Variants in UBR1 observed in about 807,000 individuals in gnomAD.
UBR1 encodes the protein E3 ubiquitin-protein ligase UBR1.
A neutral mutation model predicts 242.1 loss-of-function variants in UBR1; 102 were observed. The ratio of observed to expected loss-of-function variants is 0.42; its 90% CI spans 0.36 to 0.50. The LOEUF (loss-of-function observed/expected upper bound fraction) is 0.50. UBR1 is among the 20% of genes least tolerant of loss of function. The pLI is 0.01. For missense variants in UBR1, 1,772 were observed against 2,101.8 expected, an observed-to-expected ratio of 0.84 and a Z score of 3.07; for synonymous variants, 675 against 684.8, an observed-to-expected ratio of 0.99 and a Z score of 0.22.
Position 42,970,556 on chromosome 15 carries a change from G to C in UBR1, c.4421C>G (p.Ser1474Cys). ...QEDSEEAHSA[S>C]SFFAEISQYT... ...TTGAGAAATTTCTGCAAAGAAAGAA[G>C]ATGCGGAATGAGCCTCTTCACTGTC... The change falls in exon 40 of 47, where the codon TCT becomes TGT. Residue 1474 changes from serine (S) to cysteine (C), a missense_variant. By Grantham distance (112) the Ser-to-Cys change is moderately radical. Coordinates refer to ENST00000290650, the MANE Select transcript of UBR1 (RefSeq NM_174916.3). 2 of 1,613,810 alleles carry C rather than the reference G, an allele frequency of 1.2e-6. No homozygotes were observed. The highest frequency in any genetic ancestry group is 4.5e-5 in the East Asian group (2 of 44,878).
rs779087715 is a variant in UBR1, at chr15:43,068,050, A to G, written c.660-14T>C. 15 of 1,592,262 alleles carry G rather than the reference A, an allele frequency of 9.4e-6. No individual in the cohort carries two copies. The African/African-American group carries it at 1.3e-4, about 14-fold the overall frequency. On this transcript the variant is annotated splice_polypyrimidine_tract_variant and intron_variant, in intron 5 of 46. Transcript: ENST00000290650. The stretch of plus-strand genomic sequence containing the variant: ...TCATTTTTCTCCCTGTTAGAAAAAA[A>G]ACATATATATTTGGATACTACAACA...
At chr15:43,014,073 A>G (rs997694745) in intron 29 of UBR1, among the ~76,000 whole-genome samples, 21 of 152,332 alleles carry the variant, frequency 1.4e-4, no homozygotes, top group South Asian at 1.2e-3. Context: ...TGGTGGAGAC[A>G]GGGTTTCGCT....
At chr15:43,060,184 A>G in intron 6 of UBR1, 70 bp from the exon 7 acceptor site, 1 of 1,449,638 alleles carries the variant, frequency 6.9e-7, no homozygotes, top group East Asian at 2.3e-5. Flanking sequence ...TATGTAGCCC[A>G]AAGACTTAAT....
chr15:43,028,294 C>A (rs1303184017), intron 21 of UBR1, among the ~76,000 whole-genome samples: 2 of 152,118 alleles, frequency 1.3e-5, no homozygotes, highest in African/African-American at 4.8e-5. Flanking sequence ...CTACCTTTTG[C>A]AAGTTTTTTT....
intron 41 of UBR1, among the ~76,000 whole-genome samples, chr15:42,965,045 T>C (rs1252056127): frequency 6.6e-6 from 1 of 152,206 alleles, no homozygotes; most frequent in African/African-American, 2.4e-5. Flanking sequence ...ACAACTGTAC[T>C]GTAGCACCTA....
At chr15:42,983,864 T>G (rs1182030207) in intron 37 of UBR1, 33 bp downstream of exon 37, 4 of 1,338,072 alleles carry the variant, frequency 3.0e-6, no homozygotes, top group Non-Finnish European at 3.1e-6. Context: ...ATAAATAATA[T>G]AATACATAAT....
At chr15:42,973,901 T>TG (rs1345471187) in intron 39 of UBR1, among the ~76,000 whole-genome samples, 6 of 147,880 alleles carry the variant, frequency 4.1e-5, no homozygotes, top group African/African-American at 1.5e-4. Flanking sequence ...TTTTTTTTTT[T>TG]TTTTTGAGAT....
chr15:42,951,041 C>T (rs2031825311), intron 45 of UBR1, among the ~76,000 whole-genome samples: 1 of 152,170 alleles, frequency 6.6e-6, no homozygotes, highest in Non-Finnish European at 1.5e-5. Flanking sequence ...TACATTCTTT[C>T]CCCTTGGTTC....
intron 5 of UBR1, among the ~76,000 whole-genome samples, chr15:43,069,211 A>T (rs956651526): frequency 6.6e-6 from 1 of 152,122 alleles, no homozygotes; most frequent in African/African-American, 2.4e-5. Context: ...TAATATCTAC[A>T]TTCAAGAGTG....
chr15:43,007,306 A>C, intron 29 of UBR1, 22 bp from the exon 30 acceptor site: 4 of 1,612,382 alleles, frequency 2.5e-6, no homozygotes, highest in Non-Finnish European at 3.4e-6. Flanking sequence ...AATGATCAGA[A>C]ATGAGGACAC....
chr15:43,024,775 G>T, intron 25 of UBR1, 54 bp downstream of exon 25: 1 of 1,612,172 alleles, frequency 6.2e-7, no homozygotes, highest in Non-Finnish European at 8.5e-7. Context: ...ATCTTCCCTA[G>T]CTCCCCAAGA....
chr15:43,023,396 A>G (rs898728113), intron 25 of UBR1, among the ~76,000 whole-genome samples: 20 of 151,874 alleles, frequency 1.3e-4, no homozygotes, highest in Non-Finnish European at 1.5e-5. Flanking sequence ...GTTCATGACC[A>G]GCCTGGTCAA....
In UBR1 at chr15:43,101,420, A is replaced by G. The variant is rs573874343; in HGVS notation, c.81+4522T>C. Among the ~76,000 whole-genome samples the G allele has an allele frequency of 7.2e-5, 11 of 152,314 alleles. No individual in the cohort carries two copies. In the South Asian group the frequency reaches 2.3e-3, roughly 32 times the overall value. ...CTTGGACTACATGGGTGGAGACAGA[A>G]TTATTTGTCTTCAAGAGCTATGATG... On this transcript the variant is annotated intron_variant, in intron 1 of 46. Coordinates refer to ENST00000290650, the MANE Select transcript of UBR1 (RefSeq NM_174916.3).
At chr15:43,023,632 A>G (rs2033140328) in intron 25 of UBR1, among the ~76,000 whole-genome samples, 1 of 146,096 alleles carries the variant, frequency 6.8e-6, no homozygotes, top group African/African-American at 2.5e-5. Flanking sequence ...AAAAAGTTCA[A>G]CCTCACTTAA....
At chr15:43,089,938 G>T (rs2034088226) in intron 1 of UBR1, among the ~76,000 whole-genome samples, 1 of 152,132 alleles carries the variant, frequency 6.6e-6, no homozygotes. Context: ...TGGGATCCTG[G>T]GTGTTATCCT....
intron 12 of UBR1, among the ~76,000 whole-genome samples, chr15:43,051,950 G>A (rs2033562433): frequency 6.6e-6 from 1 of 152,190 alleles, no homozygotes; most frequent in Admixed American, 6.5e-5. Context: ...TTCCTCAATA[G>A]CACCAAGGTT....
intron 1 of UBR1, 62 bp from the exon 2 acceptor site, chr15:43,086,302 C>T (rs2034035566): frequency 1.9e-6 from 3 of 1,568,364 alleles, no homozygotes; most frequent in Non-Finnish European, 2.6e-6. Context: ...CATCTAGGGG[C>T]ACAAATAATG....
chr15:42,952,322 A>G lies in UBR1; in HGVS notation c.4962T>C (p.Ile1654=). The G allele has an allele frequency of 6.2e-7, 1 of 1,614,164 alleles. No individual in the cohort carries two copies. ...CGGCTCCACAGTGAAGTGCGTGAAA[A>G]ATGCAAGCTCCAACCTCTTCCCCGT... is the stretch of plus-strand genomic sequence containing the variant. ...IVNGEEVGAC[I]FHALHCGAGV... The change falls in exon 45 of 47, where the codon ATT becomes ATC. Residue 1654 remains isoleucine (I), a synonymous_variant. Coordinates refer to ENST00000290650, the MANE Select transcript of UBR1 (RefSeq NM_174916.3).
intron 3 of UBR1, among the ~76,000 whole-genome samples, chr15:43,075,729 C>A (rs1220023386): frequency 6.6e-6 from 1 of 151,806 alleles, no homozygotes; most frequent in African/African-American, 2.4e-5. Flanking sequence ...GATTCTCCTG[C>A]CTCAGCCTCC....
Sources: allele counts gnomAD v4.1 joint callset (sites outside exome capture counted in the v4.1 genomes callset), GRCh38; gene constraint gnomAD v4.1.1; transcripts MANE v1.5; gene names NCBI Gene and HGNC (gene_info 2026-07-23, HGNC 2026-07-21).